Variants in ENTREP2 observed in about 807,000 individuals in gnomAD.
ENTREP2 encodes endosomal transmembrane epsin interactor 2, also known as protein ENTREP2.
the ENTREP2 span, among the ~76,000 whole-genome samples, chr15:29,371,103 C>T: frequency 6.6e-6 from 1 of 151,978 alleles, no homozygotes; most frequent in African/African-American, 2.4e-5. Flanking sequence ...TACCTCTGAA[C>T]CCTCACAATG....
At chr15:29,418,324 T>G in the ENTREP2 span, among the ~76,000 whole-genome samples, 1 of 152,174 alleles carries the variant, frequency 6.6e-6, no homozygotes, top group Non-Finnish European at 1.5e-5. Context: ...AGCATTTAAC[T>G]AACACAGGAG....
chr15:29,165,981 G>A, the ENTREP2 span, among the ~76,000 whole-genome samples: 25 of 152,168 alleles, frequency 1.6e-4, no homozygotes, highest in Non-Finnish European at 2.9e-4. Context: ...TCATGATCAA[G>A]TGAGTTTCAT....
the ENTREP2 span, among the ~76,000 whole-genome samples, chr15:29,411,268 G>A: frequency 6.6e-6 from 1 of 152,122 alleles, no homozygotes; most frequent in East Asian, 1.9e-4. Context: ...AGAAAAGAAT[G>A]CCAAGTTGTA....
chr15:29,206,098 AC>A, the ENTREP2 span, among the ~76,000 whole-genome samples: 1 of 152,294 alleles, frequency 6.6e-6, no homozygotes, highest in East Asian at 1.9e-4. Context: ...AACAAATACC[AC>A]AGACGGGGTG....
chr15:29,331,661 C>T, the ENTREP2 span, among the ~76,000 whole-genome samples: 1 of 152,208 alleles, frequency 6.6e-6, no homozygotes, highest in Admixed American at 6.5e-5. Context: ...ACAGCATGAT[C>T]GTTAATCCAC....
At chr15:29,447,801 C>T in the ENTREP2 span, among the ~76,000 whole-genome samples, 7 of 151,842 alleles carry the variant, frequency 4.6e-5, no homozygotes, top group Non-Finnish European at 1.0e-4. Context: ...GGTGGCTCAC[C>T]CCTGTAATCC....
chr15:29,570,433 C>T, the ENTREP2 span: 5 of 1,031,244 alleles, frequency 4.8e-6, no homozygotes, highest in Non-Finnish European at 6.1e-6. Context: ...GGCGTCCCGG[C>T]GGCCGCAGCG....
chr15:29,237,677 A>T, the ENTREP2 span, among the ~76,000 whole-genome samples: 1 of 152,302 alleles, frequency 6.6e-6, no homozygotes, highest in Admixed American at 6.5e-5. Context: ...GCAAGGATGT[A>T]GAGAAACTGG....
chr15:29,351,463 T>C, the ENTREP2 span, among the ~76,000 whole-genome samples: 102 of 152,262 alleles, frequency 6.7e-4, no homozygotes, highest in East Asian at 2.7e-3. Context: ...GGAGGAGTGA[T>C]ATGCTAATTA....
At chr15:29,267,476 C>T in the ENTREP2 span, 4 of 152,156 alleles carry the variant, frequency 2.6e-5, no homozygotes, top group African/African-American at 7.2e-5. Flanking sequence ...AACCTACCCC[C>T]ACAACCACCA....
At chr15:29,671,115 T>C in the ENTREP2 span, among the ~76,000 whole-genome samples, 1,560 of 152,262 alleles carry the variant, frequency 0.01, 13 homozygotes, top group Middle Eastern at 0.027. Context: ...GAAAACTCCC[T>C]AAACATTCCT....
the ENTREP2 span, among the ~76,000 whole-genome samples, chr15:29,636,912 G>A: frequency 1.3e-5 from 2 of 152,012 alleles, no homozygotes; most frequent in Non-Finnish European, 2.9e-5. Flanking sequence ...TTCTATATTT[G>A]TTCACATTTT....
At chr15:29,369,300 A>G in the ENTREP2 span, among the ~76,000 whole-genome samples, 1 of 152,204 alleles carries the variant, frequency 6.6e-6, no homozygotes, top group Non-Finnish European at 1.5e-5. Context: ...AACTGTCAAA[A>G]GCCAAGGCCA....
chr15:29,217,755 G>A, the ENTREP2 span, among the ~76,000 whole-genome samples: 2 of 152,112 alleles, frequency 1.3e-5, no homozygotes, highest in African/African-American at 4.8e-5. Flanking sequence ...TCTTTTTCAG[G>A]TAGATCAGGG....
chr15:29,670,476 T>C, the ENTREP2 span, among the ~76,000 whole-genome samples: 1 of 152,172 alleles, frequency 6.6e-6, no homozygotes, highest in East Asian at 1.9e-4. Flanking sequence ...CAGGCCAGCC[T>C]TGGAAATTGA....
At chr15:29,256,558 ATTTCTTTTTATT>A in the ENTREP2 span, among the ~76,000 whole-genome samples, 1 of 152,172 alleles carries the variant, frequency 6.6e-6, no homozygotes, top group Admixed American at 6.5e-5. Context: ...TAACATTTAT[ATTTCTTTTTATT>A]CTTACATTAC....
the ENTREP2 span, among the ~76,000 whole-genome samples, chr15:29,479,666 TACACACACACACATACATACACAC>T: frequency 3.0e-5 from 4 of 131,618 alleles, no homozygotes; most frequent in African/African-American, 1.3e-4. Context: ...CACACACACA[TACACACACACACATACATACACAC>T]ACACACACAC....
chr15:29,288,784 T>C, the ENTREP2 span, among the ~76,000 whole-genome samples: 2 of 152,162 alleles, frequency 1.3e-5, no homozygotes, highest in African/African-American at 4.8e-5. Context: ...CAGAACACCT[T>C]TGTCATTAAG....
chr15:29,197,839 C>T, the ENTREP2 span, among the ~76,000 whole-genome samples: 3 of 151,998 alleles, frequency 2.0e-5, no homozygotes, highest in Non-Finnish European at 1.5e-5. Flanking sequence ...AAGTTATTTT[C>T]CTTAGACTAA....
Sources: allele counts gnomAD v4.1 joint callset (sites outside exome capture counted in the v4.1 genomes callset), GRCh38; gene constraint gnomAD v4.1.1; transcripts MANE v1.5; gene names NCBI Gene and HGNC (gene_info 2026-07-23, HGNC 2026-07-21).